ZNF496: variants seen among roughly 807,000 people sequenced by gnomAD.
ZNF496 encodes zinc finger protein 496, also known as NSD1 (nuclear receptor binding SET-domain containing 1)-interacting zinc finger protein 1.
Under a neutral mutation model 58.9 loss-of-function variants are expected in ZNF496, and 11 were observed. That is an observed-to-expected ratio of 0.19 (90% CI 0.12 to 0.31). ZNF496 has a LOEUF of 0.31. ZNF496 is among the 10% of genes least tolerant of loss of function. The pLI is 1.00. For synonymous variants in ZNF496, 338 were observed against 318.2 expected (o/e 1.06, Z -0.66); for missense variants, 660 against 783.0 (o/e 0.84, Z 1.88).
intron 9 of ZNF496, among the ~76,000 whole-genome samples, chr1:247,305,921 C>T (rs1404118628): frequency 6.6e-6 from 1 of 152,022 alleles, no homozygotes; most frequent in South Asian, 2.1e-4. Context: ...CTTTAAAAAA[C>T]AAAACAAAAC....
chr1:247,330,245 A>G (rs963558199), intron 2 of ZNF496, among the ~76,000 whole-genome samples, 164 bp from the exon 3 acceptor site: 2 of 152,208 alleles, frequency 1.3e-5, no homozygotes, highest in African/African-American at 4.8e-5. Context: ...AAGGGAAAAC[A>G]TCACATGAGA....
intron 9 of ZNF496, among the ~76,000 whole-genome samples, chr1:247,304,746 G>C (rs1347054220): frequency 6.6e-6 from 1 of 152,196 alleles, no homozygotes; most frequent in African/African-American, 2.4e-5. Context: ...ATTTTGGAAT[G>C]AGAATGGTCT....
intron 6 of ZNF496, among the ~76,000 whole-genome samples, chr1:247,317,570 GC>G (rs74163749): frequency 0.32 from 47,759 of 150,320 alleles, 8,841 homozygotes; most frequent in East Asian, 0.53. Flanking sequence ...CTAAGAACAA[GC>G]CCCCCCCCCG....
intron 6 of ZNF496, among the ~76,000 whole-genome samples, chr1:247,319,502 G>A (rs1053263233): frequency 2.0e-5 from 3 of 152,166 alleles, no homozygotes; most frequent in African/African-American, 7.2e-5. Flanking sequence ...AACAGAAACA[G>A]AGCCAGAAAA....
intron 2 of ZNF496, among the ~76,000 whole-genome samples, chr1:247,330,476 C>G (rs753952068): frequency 6.6e-6 from 1 of 152,234 alleles, no homozygotes; most frequent in Non-Finnish European, 1.5e-5. Flanking sequence ...GCTCAGCCCT[C>G]AAAGAACCCC....
chr1:247,328,652 C>A, intron 5 of ZNF496, 31 bp downstream of exon 5: 1 of 1,518,466 alleles, frequency 6.6e-7, no homozygotes, highest in South Asian at 1.3e-5. Flanking sequence ...TTCCCCAGAT[C>A]ACCCCTGCTA....
Position 247,308,492 on chromosome 1 carries a change from G to A in ZNF496, c.989C>T (p.Pro330Leu). ...TTCTTTACCTGGGTAGGTGTTTTGA[G>A]GCACCACCGTCTGTGGGCAGGCCTG... ...EFQACPQTVV[P>L]QNTYPAGGNP... Residue 330 changes from proline (P) to leucine (L), a missense_variant, in exon 9 of 10, where the codon CCT (proline) becomes CTT (leucine). Coordinates refer to ENST00000682384, the MANE Select transcript of ZNF496 (RefSeq NM_032752.3). This position sits in a 1 kb window ranked among gnomAD's most constrained non-coding sequence, Gnocchi z 4.5. 1 of 1,614,070 alleles carries A rather than the reference G, an allele frequency of 6.2e-7. No homozygotes were observed. Among genetic ancestry groups the A allele is most frequent in the South Asian group, 1.1e-5 (1 of 91,086 alleles).
At chr1:247,307,122 T>C (rs1045305698) in intron 9 of ZNF496, 1 of 985,460 alleles carries the variant, frequency 1.0e-6, no homozygotes, top group Non-Finnish European at 1.2e-6. Flanking sequence ...CATTATTTGA[T>C]TGGCACAAAC....
chr1:247,323,733 G>C (rs1462962654), intron 5 of ZNF496, among the ~76,000 whole-genome samples: 5 of 147,620 alleles, frequency 3.4e-5, no homozygotes, highest in Non-Finnish European at 7.4e-5. Context: ...GACCAGCAGG[G>C]ACAACACAGA....
chr1:247,314,838 C>T (rs1572082268), intron 6 of ZNF496, among the ~76,000 whole-genome samples: 1 of 152,214 alleles, frequency 6.6e-6, no homozygotes, highest in East Asian at 1.9e-4. Context: ...CCGCTGCTTC[C>T]CAGGTTCAAA....
intron 5 of ZNF496, among the ~76,000 whole-genome samples, chr1:247,324,697 T>A (rs543044064): frequency 6.6e-6 from 1 of 152,288 alleles, no homozygotes; most frequent in African/African-American, 2.4e-5. Flanking sequence ...TGTATAGATA[T>A]CAAAACATTA....
At chr1:247,328,642 T>A (rs1572096716) in intron 5 of ZNF496, 41 bp downstream of exon 5, 3 of 1,511,134 alleles carry the variant, frequency 2.0e-6, no homozygotes, top group East Asian at 2.3e-5. Flanking sequence ...GGGTGTGCAC[T>A]TCCCCAGATC....
rs1659168740 is a variant in ZNF496, at chr1:247,299,553, T to C, written c.*966A>G. The C allele has an allele frequency of 6.6e-6, 1 of 152,212 alleles. No individual in the cohort carries two copies. The highest frequency in any genetic ancestry group is 6.5e-5 in the Admixed American group (1 of 15,282). 9.4% of individuals were successfully genotyped at this position (152,212 alleles called of 1,614,324 possible). ...ACTCCAAGCTAATGTATCTATCAAGTGTGTTGTCAGGCAAGGTTCTGTTCT... is the reference window on the plus strand; with the variant it reads ...ACTCCAAGCTAATGTATCTATCAAGCGTGTTGTCAGGCAAGGTTCTGTTCT... On this transcript the variant is annotated 3_prime_UTR_variant, in exon 10 of 10. Coordinates refer to ENST00000682384, the MANE Select transcript of ZNF496 (RefSeq NM_032752.3).
Position 247,309,962 on chromosome 1 carries a change from G to C in ZNF496, c.785-156C>G. On this transcript the variant is annotated intron_variant, in intron 7 of 9. Transcript: ENST00000682384. The surrounding 1 kb of genome is among the most constrained non-coding windows in gnomAD (Gnocchi z 4.3). ...GGCCAGAGCTGGCAGTGCAGGGGCA[G>C]TGGGGGCAGCACACGCAGGGAGAGC... 2.3e-6 allele frequency: 3 copies of C among 1,318,778 alleles called. No homozygotes were observed. The highest frequency in any genetic ancestry group is 3.0e-6 in the Non-Finnish European group (3 of 986,386). 81.7% of individuals were successfully genotyped at this position (1,318,778 alleles called of 1,614,324 possible).
In ZNF496 at chr1:247,301,272, G is replaced by A. The variant is rs753968955; in HGVS notation, c.1011C>T (p.Gly337=). 4 of 1,509,040 alleles carry A rather than the reference G, an allele frequency of 2.7e-6. No homozygotes were observed. The highest frequency in any genetic ancestry group is 1.8e-6 in the Non-Finnish European group (2 of 1,132,418). 93.5% of individuals were successfully genotyped at this position (1,509,040 alleles called of 1,614,324 possible). The change falls in exon 10 of 10, where the codon GGC becomes GGT. Residue 337 remains glycine, a synonymous_variant. Transcript: ENST00000682384. ...TVVPQNTYPA[G]GNPRSLENSL... ...TGTTCTCTAGAGATCGCGGGTTGCC[G>A]CCAGCTACAGGAAGGCAACATGCAG...
At chr1:247,321,259 G>A (rs772614738) in intron 6 of ZNF496, among the ~76,000 whole-genome samples, 2 of 152,128 alleles carry the variant, frequency 1.3e-5, no homozygotes, top group Non-Finnish European at 1.5e-5. Context: ...AATGAAATAA[G>A]CCAGTCACAA....
chr1:247,313,566 CA>C (rs1659675581), intron 6 of ZNF496: 1 of 152,198 alleles, frequency 6.6e-6, no homozygotes. Flanking sequence ...GGGCAATGTC[CA>C]GAGGTCACCA....
chr1:247,301,130 G>A lies in ZNF496; in HGVS notation c.1153C>T (p.Leu385Phe), dbSNP rs1659222880. ...LGSPTEKQRSLPASHRSSTEA... is the reference protein window; with the variant it reads ...LGSPTEKQRSFPASHRSSTEA... ...GTGCTGCTCCGGTGGGAGGCGGGGA[G>A]GCTGCGCTGCTTCTCTGTGGGGCTC... The change falls in exon 10 of 10, where the codon CTC becomes TTC. Residue 385 changes from leucine (L) to phenylalanine (F), a missense_variant. Transcript: ENST00000682384. 1 of 1,613,674 alleles carries A rather than the reference G, an allele frequency of 6.2e-7. No individual in the cohort carries two copies. Among genetic ancestry groups the A allele is most frequent in the African/African-American group, 1.3e-5 (1 of 75,014 alleles).
At position 247,329,820 on chromosome 1, in the gene ZNF496, G is replaced by C; in HGVS notation, c.-38+146C>G. 2.2e-6 allele frequency: 1 copy of C among 446,044 alleles called. No homozygotes were observed. The highest frequency in any genetic ancestry group is 3.9e-6 in the Non-Finnish European group (1 of 257,120). 27.6% of individuals were successfully genotyped at this position (446,044 alleles called of 1,614,324 possible). ...GCCCTCCCCCCATCAGTACCATTAC[G>C]TGTGGATTCCCGTTAAGTGGGTGAC... On this transcript the variant is annotated intron_variant, in intron 3 of 9. Transcript: ENST00000682384. The surrounding 1 kb of genome is among the most constrained non-coding windows in gnomAD (Gnocchi z 5.5).
Sources: allele counts gnomAD v4.1 joint callset (sites outside exome capture counted in the v4.1 genomes callset), GRCh38; gene constraint gnomAD v4.1.1; non-coding constraint Gnocchi (gnomAD v3.1); transcripts MANE v1.5; gene names NCBI Gene and HGNC (gene_info 2026-07-23, HGNC 2026-07-21).